CLEC4C: variants seen among roughly 807,000 people sequenced by gnomAD.
CLEC4C encodes C-type lectin domain family 4 member C.
CLEC4C carries 17 observed loss-of-function variants against 27.7 expected under a neutral mutation model. The ratio of observed to expected loss-of-function variants is 0.61; its 90% confidence interval spans 0.42 to 0.92. The LOEUF (loss-of-function observed/expected upper bound fraction) is 0.92. Ranked by LOEUF, CLEC4C falls within the 40% of genes least tolerant of loss-of-function variation. CLEC4C has a pLI of 0.00. For missense variants in CLEC4C, 244 were observed against 257.3 expected, an observed-to-expected ratio of 0.95 and a Z score of 0.35; for synonymous variants, 80 against 80.8, an observed-to-expected ratio of 0.99 and a Z score of 0.06.
At chr12:7,736,820 G>A (rs1864736908) in intron 4 of CLEC4C, among the ~76,000 whole-genome samples, 1 of 151,868 alleles carries the variant, frequency 6.6e-6, no homozygotes, top group Non-Finnish European at 1.5e-5. Context: ...GGAGAATGGT[G>A]TGAACCCGGG....
At chr12:7,738,235 A>C (rs1204790639) in intron 3 of CLEC4C, among the ~76,000 whole-genome samples, 2 of 152,042 alleles carry the variant, frequency 1.3e-5, no homozygotes, top group Non-Finnish European at 2.9e-5. Context: ...TTATATAACC[A>C]CTCTAAGCCT....
chr12:7,742,703 A>T, intron 2 of CLEC4C, among the ~76,000 whole-genome samples: 1 of 151,750 alleles, frequency 6.6e-6, no homozygotes, highest in Non-Finnish European at 1.5e-5. Context: ...CCAGCTACTC[A>T]GGAGGCTGAG....
At chr12:7,734,637 C>T (rs1260207398) in intron 4 of CLEC4C, among the ~76,000 whole-genome samples, 4 of 151,584 alleles carry the variant, frequency 2.6e-5, no homozygotes, top group African/African-American at 9.7e-5. Context: ...CAACCTCTGC[C>T]CCCTGGGTTC....
At chr12:7,747,633 T>A, upstream of CLEC4C, 4 of 61,792 alleles carry the variant, frequency 6.5e-5, no homozygotes, top group East Asian at 2.7e-4. Flanking sequence ...TCTGATTGTC[T>A]TTTTTTTTTT....
At chr12:7,735,767 C>T (rs1282591383) in intron 4 of CLEC4C, among the ~76,000 whole-genome samples, 1 of 151,122 alleles carries the variant, frequency 6.6e-6, no homozygotes. Flanking sequence ...CGAGCCACTG[C>T]ACTCCAGCCT....
At position 7,737,002 on chromosome 12, in the gene CLEC4C, A is replaced by G. The variant is rs773495738; in HGVS notation, c.381+427T>C. Reference sequence around the variant, plus strand: ...TCCCAACACTTTGAGAGGCCGAGGCAGGTGGATCATTTGAGGTCAGTAGTT... The same window carrying G: ...TCCCAACACTTTGAGAGGCCGAGGCGGGTGGATCATTTGAGGTCAGTAGTT... On this transcript the variant is annotated intron_variant, in intron 4 of 5. Coordinates refer to ENST00000360345, the MANE Select transcript of CLEC4C (RefSeq NM_001371390.1). Among the ~76,000 whole-genome samples the G allele has an allele frequency of 3.3e-3, 495 of 152,304 alleles. 1 individual carries two copies. The highest frequency in any genetic ancestry group is 0.011 in the African/African-American group (463 of 41,570).
intron 4 of CLEC4C, among the ~76,000 whole-genome samples, chr12:7,732,099 G>A (rs554312077): frequency 1.3e-5 from 2 of 151,946 alleles, no homozygotes; most frequent in Admixed American, 6.6e-5. Context: ...GCACGATCTC[G>A]GGTCACTGCA....
chr12:7,739,047 T>C (rs1017033974), intron 3 of CLEC4C, among the ~76,000 whole-genome samples: 1 of 150,094 alleles, frequency 6.7e-6, no homozygotes, highest in Non-Finnish European at 1.5e-5. Flanking sequence ...ACCAGTAGTT[T>C]TGAAAAAGAA....
upstream of CLEC4C, among the ~76,000 whole-genome samples, chr12:7,747,767 G>A (rs187528080): frequency 2.0e-3 from 297 of 147,302 alleles, 2 homozygotes; most frequent in Admixed American, 0.02. Flanking sequence ...TCAGCCTCCC[G>A]AGCAGCTGGG....
upstream of CLEC4C, chr12:7,747,458 A>G: frequency 9.1e-7 from 1 of 1,097,652 alleles, no homozygotes; most frequent in Admixed American, 1.7e-5. Flanking sequence ...AAACAAGCCA[A>G]GCCCTTAGAT....
chr12:7,734,621 T>A (rs1425424494), intron 4 of CLEC4C, among the ~76,000 whole-genome samples: 1 of 151,152 alleles, frequency 6.6e-6, no homozygotes, highest in Non-Finnish European at 1.5e-5. Context: ...TGATCTTGGC[T>A]CACTGCAACC....
chr12:7,747,632 CTTTTTT>C (rs201227947), upstream of CLEC4C: 41 of 88,434 alleles, frequency 4.6e-4, no homozygotes, highest in South Asian at 1.1e-3. Context: ...GTCTGATTGT[CTTTTTT>C]TTTTTTTTTT....
At chr12:7,747,624 C>T (rs1235730321), upstream of CLEC4C, 4 of 212,672 alleles carry the variant, frequency 1.9e-5, no homozygotes, top group African/African-American at 5.0e-5. Context: ...GGTTGCAGGT[C>T]TGATTGTCTT....
In CLEC4C at chr12:7,732,669, A is replaced by G. The variant is rs192879067; in HGVS notation, c.382-1757T>C. Among the ~76,000 whole-genome samples, 469 of 151,856 alleles carry G rather than the reference A, an allele frequency of 3.1e-3. 11 individuals carry two copies. The highest frequency in any genetic ancestry group is 0.011 in the African/African-American group (435 of 41,370). On this transcript the variant is annotated intron_variant, in intron 4 of 5. Transcript: ENST00000360345. ...GCCCGACCACAGGTCACTTTAAAATAAAGATATTTATGGCCAGGTGTGGTG... is the reference window on the plus strand; with the variant it reads ...GCCCGACCACAGGTCACTTTAAAATGAAGATATTTATGGCCAGGTGTGGTG...
At chr12:7,743,606 C>T (rs879754614) in intron 2 of CLEC4C, among the ~76,000 whole-genome samples, 9 of 151,888 alleles carry the variant, frequency 5.9e-5, no homozygotes, top group Non-Finnish European at 8.8e-5. Flanking sequence ...GTCTCGATCT[C>T]CTGACCTCGT....
chr12:7,739,708 C>G (rs762948316), intron 3 of CLEC4C, among the ~76,000 whole-genome samples: 63 of 152,072 alleles, frequency 4.1e-4, no homozygotes, highest in African/African-American at 1.5e-3. Flanking sequence ...TAGACAGGGT[C>G]TCACTTTGTC....
chr12:7,732,652 ACAGGT>A (rs1299163528), intron 4 of CLEC4C, among the ~76,000 whole-genome samples: 2 of 151,550 alleles, frequency 1.3e-5, no homozygotes, highest in Non-Finnish European at 2.9e-5. Flanking sequence ...GTGCCCGACC[ACAGGT>A]CACTTTAAAA....
At chr12:7,730,711 A>G in intron 5 of CLEC4C, 86 bp downstream of exon 5, 1 of 635,164 alleles carries the variant, frequency 1.6e-6, no homozygotes, top group Non-Finnish European at 2.8e-6. Flanking sequence ...TGTGGGTTTT[A>G]TTGTTTGTTT....
At position 7,744,853 on chromosome 12, in the gene CLEC4C, G is replaced by A. The variant is rs375225399; in HGVS notation, c.124+1478C>T. ...TGGTCTTGAACTCCTGTCCTCAAGCGATCCTCCCACCTGAGCCTCCCAAAG... is the reference window on the plus strand; with the variant it reads ...TGGTCTTGAACTCCTGTCCTCAAGCAATCCTCCCACCTGAGCCTCCCAAAG... On this transcript the variant is annotated intron_variant, in intron 2 of 5. Coordinates refer to ENST00000360345, the MANE Select transcript of CLEC4C (RefSeq NM_001371390.1). 4.0e-5 allele frequency among the ~76,000 whole-genome samples: 6 copies of A among 150,136 alleles called. No individual in the cohort carries two copies. In the East Asian group the frequency reaches 5.9e-4, roughly 15 times the overall value.
Sources: gnomAD v4.1 joint callset for allele counts (sites outside exome capture counted in the v4.1 genomes callset) on GRCh38, gnomAD v4.1.1 for gene constraint, MANE v1.5 for transcripts, NCBI Gene and HGNC (gene_info 2026-07-23, HGNC 2026-07-21) for gene names.